Variants in KCNN2 observed in about 807,000 individuals in gnomAD.
KCNN2 encodes the protein potassium calcium-activated channel subfamily N member 2, also known as small conductance calcium-activated potassium channel protein 2.
A neutral mutation model predicts 55.5 loss-of-function variants in KCNN2; 24 were observed. The observed-to-expected ratio is 0.43, with a 90% confidence interval of 0.31 to 0.61. KCNN2 has a LOEUF of 0.61. Among genes scored for constraint, KCNN2 ranks in the 20% least tolerant of loss-of-function variants. The probability of loss-of-function intolerance (pLI) is 0.08; values close to 1 mark genes in which losing one functional copy is unlikely to be tolerated. For missense variants in KCNN2, 754 were observed against 853.6 expected (o/e 0.88, Z 1.45); for synonymous variants, 431 against 336.1 (o/e 1.28, Z -3.09).
chr5:114,154,003 T>C (rs777049653), intron 1 of KCNN2, among the ~76,000 whole-genome samples: 4 of 152,202 alleles, frequency 2.6e-5, no homozygotes, highest in Admixed American at 6.6e-5. Context: ...CTAGAGATGG[T>C]GACAGCTCCT....
chr5:114,146,644 C>G (rs928973035), intron 1 of KCNN2, among the ~76,000 whole-genome samples: 1 of 152,188 alleles, frequency 6.6e-6, no homozygotes, highest in African/African-American at 2.4e-5. Context: ...AGGAGAAGGC[C>G]TCAGGGATTA....
intron 1 of KCNN2, among the ~76,000 whole-genome samples, chr5:114,149,996 C>G (rs979534313): frequency 3.3e-5 from 5 of 152,122 alleles, no homozygotes; most frequent in African/African-American, 1.2e-4. Flanking sequence ...ATTCCCAGAG[C>G]TATGAACATC....
chr5:114,369,686 A>C (rs189958475), intron 2 of KCNN2, among the ~76,000 whole-genome samples: 2 of 152,278 alleles, frequency 1.3e-5, no homozygotes, highest in Admixed American at 6.5e-5. Context: ...TATACACTGT[A>C]GTAACGAAAT....
chr5:114,419,011 A>G (rs749759727), intron 3 of KCNN2, among the ~76,000 whole-genome samples: 39 of 152,252 alleles, frequency 2.6e-4, no homozygotes, highest in Non-Finnish European at 5.1e-4. Context: ...AGAGAACGTA[A>G]TAATTTTTTT....
At chr5:114,392,278 A>T (rs1758471186) in intron 2 of KCNN2, among the ~76,000 whole-genome samples, 1 of 152,228 alleles carries the variant, frequency 6.6e-6, no homozygotes, top group African/African-American at 2.4e-5. Context: ...AATAAGGTTA[A>T]CAAAGTTTGA....
At position 114,323,649 on chromosome 5, in the gene KCNN2, A is replaced by AT. The variant is rs6149185; in HGVS notation, c.-184-37278dup. 1.5e-3 allele frequency among the ~76,000 whole-genome samples: 132 copies of AT among 85,302 alleles called. 16 individuals are homozygous for AT. In the South Asian group the frequency reaches 0.026, roughly 17 times the overall value. 56.0% of individuals were successfully genotyped at this position (85,302 alleles called of 152,430 possible). A position where few individuals can be genotyped will look rare whatever the true frequency, so the allele number is the denominator to read the frequency against. ...TAAGTATCATGATATAAACATATCA[A>AT]TTTTTTTTTTTTTTTTTTGCTGGTC... On this transcript the variant is annotated intron_variant, in intron 2 of 10. Coordinates refer to the KCNN2 transcript ENST00000512097.
intron 4 of KCNN2, among the ~76,000 whole-genome samples, chr5:114,467,571 A>G (rs908739255): frequency 1.3e-5 from 2 of 152,162 alleles, no homozygotes; most frequent in Non-Finnish European, 2.9e-5. Context: ...CTTACATACA[A>G]TAGTTTCTAT....
chr5:114,356,249 G>A (rs1757291708), intron 2 of KCNN2, among the ~76,000 whole-genome samples: 1 of 152,128 alleles, frequency 6.6e-6, no homozygotes, highest in Admixed American at 6.5e-5. Flanking sequence ...AAACGGAGTT[G>A]ATGATAAAAC....
At chr5:114,202,759 T>C (rs970602395) in intron 1 of KCNN2, among the ~76,000 whole-genome samples, 1 of 151,578 alleles carries the variant, frequency 6.6e-6, no homozygotes, top group African/African-American at 2.4e-5. Flanking sequence ...GCTAATTTTT[T>C]GTATTTTTAG....
At chr5:114,340,302 T>A (rs1315183159) in intron 2 of KCNN2, among the ~76,000 whole-genome samples, 4 of 152,182 alleles carry the variant, frequency 2.6e-5, no homozygotes, top group African/African-American at 9.7e-5. Context: ...ATCTTCCACT[T>A]GACAACCAAA....
At chr5:114,248,268 G>A (rs1021000604) in intron 2 of KCNN2, among the ~76,000 whole-genome samples, 1 of 151,908 alleles carries the variant, frequency 6.6e-6, no homozygotes, top group Non-Finnish European at 1.5e-5. Context: ...TGATATTATG[G>A]AAATTCATCA....
chr5:114,228,030 T>C (rs897836600), intron 2 of KCNN2, among the ~76,000 whole-genome samples: 9 of 100,304 alleles, frequency 9.0e-5, no homozygotes, highest in Non-Finnish European at 1.7e-4. Flanking sequence ...ATGATGATGA[T>C]GAAAGAAGAA....
In KCNN2 at chr5:114,131,281, C is replaced by T. The variant is rs536491039; in HGVS notation, c.-271+74781C>T. 3.7e-3 allele frequency among the ~76,000 whole-genome samples: 565 copies of T among 152,212 alleles called. 7 individuals carry two copies. Among genetic ancestry groups the T allele is most frequent in the African/African-American group, 0.013 (558 of 41,526 alleles). On this transcript the variant is annotated intron_variant, in intron 1 of 10. Transcript: ENST00000512097. ...AGCTGGTTTTCCTGATGCTCTTCAC[C>T]CCTGCCACCAACGGGTCTCAGTGTG...
At chr5:114,460,302 G>A (rs1320091152) in intron 3 of KCNN2, among the ~76,000 whole-genome samples, 1 of 152,088 alleles carries the variant, frequency 6.6e-6, no homozygotes, top group African/African-American at 2.4e-5. Flanking sequence ...TGCAGTGGCA[G>A]TGCAGTCTTG....
chr5:114,338,979 A>T (rs909881052), intron 2 of KCNN2, among the ~76,000 whole-genome samples: 3 of 152,210 alleles, frequency 2.0e-5, no homozygotes, highest in Non-Finnish European at 4.4e-5. Context: ...GGTCTCTTTG[A>T]CCTTGGGCCA....
intron 2 of KCNN2, among the ~76,000 whole-genome samples, chr5:114,374,973 T>A (rs1178211659): frequency 6.6e-6 from 1 of 152,188 alleles, no homozygotes; most frequent in African/African-American, 2.4e-5. Flanking sequence ...CAGGAGGCTT[T>A]CGTTTTCCAG....
chr5:114,176,397 G>A (rs1753131999), intron 1 of KCNN2, among the ~76,000 whole-genome samples: 2 of 152,108 alleles, frequency 1.3e-5, no homozygotes, highest in South Asian at 4.1e-4. Flanking sequence ...CAAATTCAGT[G>A]ATATATTAAG....
At position 114,484,667 on chromosome 5, in the gene KCNN2, T is replaced by C. The variant is rs577641024; in HGVS notation, c.1891-2383T>C. On this transcript the variant is annotated intron_variant, in intron 5 of 7. Coordinates refer to ENST00000673685, the MANE Select transcript of KCNN2 (RefSeq NM_021614.4). ...TACTATTAGAAACACATCTCAGTAA[T>C]AGGCAGAGAGTGGGATTTTTATTCT... Among the ~76,000 whole-genome samples, 3 of 152,270 alleles carry C rather than the reference T, an allele frequency of 2.0e-5. No homozygotes were observed. In the East Asian group the frequency reaches 5.8e-4, roughly 29 times the overall value.
At chr5:114,482,528 A>G (rs1762270832) in intron 5 of KCNN2, among the ~76,000 whole-genome samples, 1 of 152,228 alleles carries the variant, frequency 6.6e-6, no homozygotes, top group Non-Finnish European at 1.5e-5. Context: ...ATTACTGGGT[A>G]CATACCCAAA....
Sources: allele counts gnomAD v4.1 joint callset (sites outside exome capture counted in the v4.1 genomes callset), GRCh38; gene constraint gnomAD v4.1.1; transcripts MANE v1.5; gene names NCBI Gene and HGNC (gene_info 2026-07-23, HGNC 2026-07-21).